Variants in VWF observed in about 807,000 individuals in gnomAD.
VWF encodes the protein von Willebrand factor.
A neutral mutation model predicts 308.6 loss-of-function variants in VWF; 176 were observed. That is an observed-to-expected ratio of 0.57 (90% confidence interval 0.50 to 0.65). The LOEUF is 0.65. Among genes scored for constraint, VWF ranks in the 30% least tolerant of loss-of-function variants. The pLI, the probability that VWF is intolerant of heterozygous loss-of-function variation, is 0.00. For synonymous variants in VWF, 1,385 were observed against 1,443.4 expected (o/e 0.96, Z 0.92); for missense variants, 3,146 against 3,648.2 (o/e 0.86, Z 3.55).
chr12:6,074,437 C>G (rs1565853470), intron 7 of VWF, among the ~76,000 whole-genome samples: 1 of 150,952 alleles, frequency 6.6e-6, no homozygotes, highest in Admixed American at 6.6e-5. Flanking sequence ...GCCCCTTAAC[C>G]CTTCTCCAAG....
At position 5,953,583 on chromosome 12, in the gene VWF, T is replaced by C; in HGVS notation, c.7899A>G (p.Glu2633=). The C allele has an allele frequency of 1.2e-6, 2 of 1,614,168 alleles. No homozygotes were observed. Among genetic ancestry groups the C allele is most frequent in the Non-Finnish European group, 1.7e-6 (2 of 1,180,008 alleles). The change falls in exon 48 of 52, where the codon GAA becomes GAG. Residue 2633 remains glutamate, a synonymous_variant. Transcript: ENST00000261405. ...TCNPCPLGYK[E]ENNTGECCGR... The stretch of plus-strand genomic sequence containing the variant: ...CACAACATTCACCTGTGTTATTTTC[T>C]TCCTTGTAACCCTGCATCCAGAGGG...
chr12:6,057,311 AT>A lies in VWF; in HGVS notation c.1730-240del, dbSNP rs1250165048. On this transcript the variant is annotated intron_variant, in intron 14 of 51. Coordinates refer to ENST00000261405, the MANE Select transcript of VWF (RefSeq NM_000552.5). ...AAGGTCGAAGGACGGGGACTATGGAATTTTTTTTTTTTTTTTTTGGAGAGAC... is the reference window on the plus strand; with the variant it reads ...AAGGTCGAAGGACGGGGACTATGGAATTTTTTTTTTTTTTTTTGGAGAGAC... Among the ~76,000 whole-genome samples, 438 of 129,384 alleles carry A rather than the reference AT, an allele frequency of 3.4e-3. 2 individuals are homozygous for A. Among genetic ancestry groups the A allele is most frequent in the African/African-American group, 8.3e-3 (272 of 32,748 alleles). The allele number at this position is 129,384 out of a possible 152,430, so 84.9% of individuals were successfully genotyped here.
intron 43 of VWF, among the ~76,000 whole-genome samples, chr12:5,974,865 T>C (rs1484679600): frequency 6.6e-6 from 1 of 152,200 alleles, no homozygotes; most frequent in Non-Finnish European, 1.5e-5. Flanking sequence ...GTATCTTTTC[T>C]ACAAATCCCC....
At chr12:6,036,163 C>A (rs1275080962) in intron 19 of VWF, among the ~76,000 whole-genome samples, 1 of 152,190 alleles carries the variant, frequency 6.6e-6, no homozygotes, top group Non-Finnish European at 1.5e-5. Flanking sequence ...CGGATAAGGG[C>A]TACTGTACTA....
In VWF at chr12:5,994,549, T is replaced by A; in HGVS notation, c.6122A>T (p.Asn2041Ile). Reference sequence around the variant, plus strand: ...CTCATGCATGATGGCACCATAAACGTTGACTTCCATGTTCCCACCCACGTA... The same window carrying A: ...CTCATGCATGATGGCACCATAAACGATGACTTCCATGTTCCCACCCACGTA... The part of the protein sequence containing the change: ...VPYVGGNMEV[N>I]VYGAIMHEVR... The change falls in exon 36 of 52, where the codon AAC (asparagine) becomes ATC (isoleucine). Residue 2041 changes from asparagine (N) to isoleucine (I), a missense_variant. By Grantham distance (149) the Asn-to-Ile change is moderately radical. Transcript: ENST00000261405. 6.2e-7 allele frequency: 1 copy of A among 1,613,996 alleles called. No homozygotes were observed. The highest frequency in any genetic ancestry group is 8.5e-7 in the Non-Finnish European group (1 of 1,179,904).
intron 6 of VWF, among the ~76,000 whole-genome samples, chr12:6,084,663 C>T (rs1443296903): frequency 6.6e-6 from 1 of 152,066 alleles, no homozygotes; most frequent in Non-Finnish European, 1.5e-5. Flanking sequence ...GGGGACATTC[C>T]TAGGACTGAG....
chr12:6,037,369 T>A (rs1335631444), intron 18 of VWF, among the ~76,000 whole-genome samples: 2 of 152,136 alleles, frequency 1.3e-5, no homozygotes, highest in Non-Finnish European at 2.9e-5. Context: ...CGATCAGAAC[T>A]AGAGTCTGGG....
chr12:6,052,973 T>C (rs1338651804), intron 15 of VWF, among the ~76,000 whole-genome samples, 190 bp from the exon 16 acceptor site: 1 of 152,202 alleles, frequency 6.6e-6, no homozygotes, highest in East Asian at 1.9e-4. Context: ...TTACCCAGTT[T>C]TCCCCAAGTG....
At chr12:6,071,452 G>T in intron 9 of VWF, 109 bp from the exon 10 acceptor site, 1 of 1,281,778 alleles carries the variant, frequency 7.8e-7, no homozygotes, top group Non-Finnish European at 1.1e-6. Flanking sequence ...AAGGGATGTG[G>T]GAAAAGAAAA....
chr12:5,959,254 A>G (rs1265184523), intron 47 of VWF, among the ~76,000 whole-genome samples: 1 of 152,212 alleles, frequency 6.6e-6, no homozygotes, highest in African/African-American at 2.4e-5. Context: ...GATAATGACA[A>G]AAGAATAGAT....
rs747404115 is a variant in VWF, at chr12:6,121,317, G to C, written c.77C>G (p.Thr26Ser). Residue 26 changes from threonine (T) to serine (S), a missense_variant, in exon 3 of 52, where the codon ACT (threonine) becomes AGT (serine). This residue lies in a region of VWF where 1,304 missense variants were observed against 1,353.0 expected (regional missense o/e 0.96). Transcript: ENST00000261405. ...ILPGTLCAEG[T>S]RGRSSTARCS... ...TCGGGCCGTGGATGACCTGCCGCGAGTTCCTTCTGCACAAAGGGTCCCTGG... is the reference window on the plus strand; with the variant it reads ...TCGGGCCGTGGATGACCTGCCGCGACTTCCTTCTGCACAAAGGGTCCCTGG... 3.7e-6 allele frequency: 6 copies of C among 1,614,196 alleles called. No individual in the cohort carries two copies. The Admixed American group carries it at 1.0e-4, about 27-fold the overall frequency.
intron 34 of VWF, among the ~76,000 whole-genome samples, chr12:6,008,100 C>T (rs1943950099): frequency 6.6e-6 from 1 of 152,046 alleles, no homozygotes; most frequent in Non-Finnish European, 1.5e-5. Context: ...GATAATTCTA[C>T]CAAAGATTTA....
At chr12:5,949,523 T>C (rs1301350156) in intron 51 of VWF, among the ~76,000 whole-genome samples, 1 of 152,220 alleles carries the variant, frequency 6.6e-6, no homozygotes, top group Admixed American at 6.5e-5. Flanking sequence ...TCTTCAAGAA[T>C]TGTGGCCCCC....
chr12:5,964,250 GCATACATACATACATACATACATGCATA>G (rs1256215149), intron 47 of VWF, among the ~76,000 whole-genome samples: 2 of 122,412 alleles, frequency 1.6e-5, no homozygotes, highest in Admixed American at 7.5e-5. Flanking sequence ...ATACATACAT[GCATACATACATACATACATACATGCATA>G]CATACATGCA....
In VWF at chr12:6,063,895, GTCCCACCC is replaced by G. The variant is rs1944683996; in HGVS notation, c.1432+343_1432+350del. Among the ~76,000 whole-genome samples, 1 of 148,380 alleles carries G rather than the reference GTCCCACCC, an allele frequency of 6.7e-6. No homozygotes were observed. The highest frequency in any genetic ancestry group is 6.6e-5 in the Admixed American group (1 of 15,072). On this transcript the variant is annotated intron_variant, in intron 12 of 51. Transcript: ENST00000261405. The surrounding 1 kb of genome is among the most constrained non-coding windows in gnomAD (Gnocchi z 4.9). ...TCTCTCAGCATCAGCCTCTGCCCCT[GTCCCACCC>G]CAGAGCAAACCAGAACCACCTGCCC... is the stretch of plus-strand genomic sequence containing the variant.
At chr12:6,083,487 C>T (rs1434977372) in intron 6 of VWF, among the ~76,000 whole-genome samples, 1 of 152,194 alleles carries the variant, frequency 6.6e-6, no homozygotes, top group Non-Finnish European at 1.5e-5. Flanking sequence ...ATCACTTGAG[C>T]CTGGGAGGCA....
chr12:6,077,425 G>C (rs1032992190), intron 6 of VWF, among the ~76,000 whole-genome samples: 1 of 152,208 alleles, frequency 6.6e-6, no homozygotes, highest in African/African-American at 2.4e-5. Flanking sequence ...CAGCTGCTCT[G>C]CGTCTCGGGG....
chr12:6,104,385 TA>T (rs750869356), intron 5 of VWF, among the ~76,000 whole-genome samples: 5,220 of 141,808 alleles, frequency 0.037, 121 homozygotes, highest in African/African-American at 0.056. Flanking sequence ...CAAAGAACTT[TA>T]AAAAAAAAAA....
At chr12:6,039,426 T>C (rs919149781) in intron 18 of VWF, among the ~76,000 whole-genome samples, 26 of 152,232 alleles carry the variant, frequency 1.7e-4, no homozygotes, top group Non-Finnish European at 2.9e-5. Flanking sequence ...GAATCTTTTT[T>C]ACCTTCCAAC....
Sources: allele counts gnomAD v4.1 joint callset (sites outside exome capture counted in the v4.1 genomes callset), GRCh38; gene constraint gnomAD v4.1.1; regional missense constraint gnomAD v4.1.1; non-coding constraint Gnocchi (gnomAD v3.1); transcripts MANE v1.5; gene names NCBI Gene and HGNC (gene_info 2026-07-23, HGNC 2026-07-21).